PDZK1: variants seen among roughly 807,000 people sequenced by gnomAD.
PDZK1 encodes PDZ domain containing 1.
In PDZK1, 23 loss-of-function variants were observed where a neutral mutation model predicts 38.1. The observed-to-expected ratio is 0.60, with a 90% confidence interval of 0.43 to 0.85. PDZK1 has a LOEUF of 0.85. Among genes scored for constraint, PDZK1 ranks in the 40% least tolerant of loss-of-function variants. The pLI is 0.00. For missense variants in PDZK1, 297 were observed against 504.3 expected (o/e 0.59, Z 3.94); for synonymous variants, 98 against 186.2 (o/e 0.53, Z 3.86).
intron 1 of PDZK1, among the ~76,000 whole-genome samples, chr1:145,691,197 A>G (rs1655211323): frequency 6.6e-6 from 1 of 152,248 alleles, no homozygotes; most frequent in Non-Finnish European, 1.5e-5. Flanking sequence ...TGGGGAAAGC[A>G]GACCTAAACC....
At chr1:145,690,588 A>G (rs1415047267) in intron 1 of PDZK1, among the ~76,000 whole-genome samples, 7 of 152,186 alleles carry the variant, frequency 4.6e-5, no homozygotes, top group African/African-American at 1.7e-4. Context: ...AACAGATACT[A>G]TGTTTTCATC....
At position 145,672,951 on chromosome 1, in the gene PDZK1, C is replaced by G; in HGVS notation, c.1285G>C (p.Val429Leu). 1 of 1,582,236 alleles carries G rather than the reference C, an allele frequency of 6.3e-7. No individual in the cohort carries two copies. Among genetic ancestry groups the G allele is most frequent in the Non-Finnish European group, 8.7e-7 (1 of 1,153,458 alleles). Reference protein sequence around the residue: ...DEDVIIEVNGVNVLDEPYEKV... With the variant: ...DEDVIIEVNGLNVLDEPYEKV... ...TCATAGGGTTCATCTAGCACATTCACCCCATTCACTTCAATGATGACATCC... is the reference window on the plus strand; with the variant it reads ...TCATAGGGTTCATCTAGCACATTCAGCCCATTCACTTCAATGATGACATCC... The change falls in exon 8 of 9, where the codon GTG becomes CTG. Residue 429 changes from valine (V) to leucine (L), a missense_variant. By Grantham distance (32) the Val-to-Leu change is conservative. Transcript: ENST00000417171.
chr1:145,674,787 C>G (rs1553698979), intron 6 of PDZK1, among the ~76,000 whole-genome samples: 1 of 152,070 alleles, frequency 6.6e-6, no homozygotes. Flanking sequence ...ATCATACAAG[C>G]CAATTCCCCT....
intron 2 of PDZK1, among the ~76,000 whole-genome samples, chr1:145,687,321 C>T (rs943016744): frequency 6.7e-6 from 1 of 149,964 alleles, no homozygotes; most frequent in Non-Finnish European, 1.5e-5. Flanking sequence ...AGATCGAGAC[C>T]ATCCTGGCTA....
At chr1:145,701,204 C>CA (rs1189460198) in intron 1 of PDZK1, among the ~76,000 whole-genome samples, 121 of 140,828 alleles carry the variant, frequency 8.6e-4, no homozygotes, top group South Asian at 2.7e-3. Context: ...GACTCCATCT[C>CA]AAAAAAAAAA....
At chr1:145,681,610 T>C in intron 4 of PDZK1, among the ~76,000 whole-genome samples, 1 of 135,242 alleles carries the variant, frequency 7.4e-6, no homozygotes, top group African/African-American at 3.0e-5. Context: ...TCTATAGTTG[T>C]TTTCCCTTAT....
At chr1:145,688,103 T>G (rs975959519) in intron 1 of PDZK1, 80 bp from the exon 2 acceptor site, 1 of 1,227,588 alleles carries the variant, frequency 8.1e-7, no homozygotes. Flanking sequence ...CCATCTCCTA[T>G]AATTCTGTTC....
At chr1:145,686,935 A>G (rs1172578130) in intron 2 of PDZK1, among the ~76,000 whole-genome samples, 1 of 152,060 alleles carries the variant, frequency 6.6e-6, no homozygotes, top group Non-Finnish European at 1.5e-5. Flanking sequence ...CACTGCTGGA[A>G]TATAGAGTGT....
chr1:145,683,411 A>G (rs1263607552), intron 3 of PDZK1, among the ~76,000 whole-genome samples: 2 of 152,248 alleles, frequency 1.3e-5, no homozygotes, highest in African/African-American at 2.4e-5. Context: ...ATCAGAAAGC[A>G]TCTTTACCAT....
At chr1:145,699,045 G>T (rs1356871375) in intron 1 of PDZK1, among the ~76,000 whole-genome samples, 2 of 151,926 alleles carry the variant, frequency 1.3e-5, no homozygotes, top group Admixed American at 6.6e-5. Context: ...TGAGACCAGC[G>T]TGGCCAACTT....
chr1:145,682,777 G>A (rs1162828396), intron 3 of PDZK1, 141 bp from the exon 4 acceptor site: 19 of 1,158,642 alleles, frequency 1.6e-5, no homozygotes, highest in Non-Finnish European at 2.4e-5. Flanking sequence ...CCTAGTCTAA[G>A]AACATGTCAA....
chr1:145,673,426 TCA>T (rs1653295825), intron 7 of PDZK1, among the ~76,000 whole-genome samples: 1 of 149,914 alleles, frequency 6.7e-6, no homozygotes, highest in Non-Finnish European at 1.5e-5. Context: ...TTCAGTCAAC[TCA>T]CACTGTTTGG....
At chr1:145,672,693 T>C (rs1553698201) in intron 8 of PDZK1, 37 bp downstream of exon 8, 1 of 1,611,254 alleles carries the variant, frequency 6.2e-7, no homozygotes, top group South Asian at 1.1e-5. Flanking sequence ...CATACTCTAG[T>C]AAATTAGATC....
intron 1 of PDZK1, among the ~76,000 whole-genome samples, chr1:145,692,210 A>G (rs1655278615): frequency 6.6e-6 from 1 of 152,156 alleles, no homozygotes; most frequent in African/African-American, 2.4e-5. Context: ...TAGGAAAGAA[A>G]TAGCTGGTGG....
chr1:145,685,202 T>C (rs1470117329), intron 3 of PDZK1, among the ~76,000 whole-genome samples: 24 of 151,390 alleles, frequency 1.6e-4, no homozygotes, highest in Non-Finnish European at 3.0e-5. Context: ...ACTGAAACTA[T>C]GGAAAGCCAA....
At chr1:145,678,906 C>T (rs587650501) in intron 5 of PDZK1, among the ~76,000 whole-genome samples, 3 of 149,696 alleles carry the variant, frequency 2.0e-5, no homozygotes, top group Admixed American at 1.3e-4. Context: ...TTACTAAAAG[C>T]GTCTGACATT....
intron 1 of PDZK1, among the ~76,000 whole-genome samples, chr1:145,705,151 C>A (rs1656176957): frequency 6.6e-6 from 1 of 152,066 alleles, no homozygotes; most frequent in African/African-American, 2.4e-5. Context: ...GGTGCAATGG[C>A]ACAATCTTGG....
At chr1:145,681,438 G>A (rs1487928702) in intron 4 of PDZK1, among the ~76,000 whole-genome samples, 3 of 149,104 alleles carry the variant, frequency 2.0e-5, no homozygotes, top group South Asian at 2.1e-4. Flanking sequence ...GCCCGCCACC[G>A]CACCTGGCTA....
At position 145,682,508 on chromosome 1, in the gene PDZK1, C is replaced by T. The variant is rs1654360048; in HGVS notation, c.589G>A (p.Val197Ile). ...NVEDASHEEV[V>I]EKVKKSGSRV... ...TACCCTTTGGGGCATACCTTTTCAA[C>T]CACTTCCTCATGGCTGGCATCCTCT... The change falls in exon 4 of 9, where the codon GTT becomes ATT. Residue 197 changes from valine to isoleucine, a missense_variant. Val to Ile is a conservative substitution (Grantham distance 29). This residue lies in a region of PDZK1 where 35 missense variants were observed against 73.9 expected (regional missense o/e 0.47). Transcript: ENST00000417171. 6.3e-7 allele frequency: 1 copy of T among 1,596,984 alleles called. No individual in the cohort carries two copies. The highest frequency in any genetic ancestry group is 8.6e-7 in the Non-Finnish European group (1 of 1,169,028).
Sources: gnomAD v4.1 joint callset for allele counts (sites outside exome capture counted in the v4.1 genomes callset) on GRCh38, gnomAD v4.1.1 for gene constraint, gnomAD v4.1.1 regional missense constraint, MANE v1.5 for transcripts, NCBI Gene and HGNC (gene_info 2026-07-23, HGNC 2026-07-21) for gene names.